FSD2: variants seen among roughly 807,000 people sequenced by gnomAD.
FSD2 encodes fibronectin type III and SPRY domain containing 2, also known as fibronectin type III and SPRY domain-containing protein 2.
FSD2 carries 71 observed loss-of-function variants against 80.4 expected under a neutral mutation model. That is an observed-to-expected ratio of 0.88 (90% CI 0.73 to 1.08). The LOEUF (loss-of-function observed/expected upper bound fraction) is 1.08, where lower values mean the gene tolerates loss of function less well. Ranked by LOEUF, FSD2 falls within the 50% of genes least tolerant of loss-of-function variation. FSD2 has a pLI of 0.00. For synonymous variants in FSD2, 361 were observed against 329.5 expected (o/e 1.10, Z -1.03); for missense variants, 923 against 913.8 (o/e 1.01, Z -0.13).
chr15:82,759,358 G>A lies in FSD2; in HGVS notation c.2240C>T (p.Thr747Ile), dbSNP rs780790409. ...GGACATCAGAATGTTCTAATAGAAA[G>A]TGACATGTTTTGGCATTGAAATGCC... The part of the protein sequence containing the change: ...HNGISMPKHV[T>I]FY Residue 747 changes from threonine (T) to isoleucine (I), a missense_variant, in exon 13 of 13, where the codon ACT (threonine) becomes ATT (isoleucine). Physicochemically the swap from Thr to Ile is moderately conservative, Grantham distance 89. Coordinates refer to ENST00000334574, the MANE Select transcript of FSD2 (RefSeq NM_001007122.4). The A allele has an allele frequency of 6.2e-7, 1 of 1,613,172 alleles. No homozygotes were observed. Among genetic ancestry groups the A allele is most frequent in the East Asian group, 2.2e-5 (1 of 44,880 alleles).
chr15:82,760,291 GCA>G (rs1480869985), intron 12 of FSD2, among the ~76,000 whole-genome samples: 10 of 152,176 alleles, frequency 6.6e-5, no homozygotes, highest in Non-Finnish European at 2.9e-5. Context: ...GCTCTTCTAT[GCA>G]CAGTTACTCC....
Position 82,768,881 on chromosome 15 carries a change from C to A in FSD2, c.1552G>T (p.Glu518Ter). The A allele has an allele frequency of 6.5e-7, 1 of 1,536,044 alleles. No homozygotes were observed. Among genetic ancestry groups the A allele is most frequent in the Non-Finnish European group, 8.7e-7 (1 of 1,143,768 alleles). ...CCAGCAAATGCCCTCATGACTCACT[C>A]AGTTACACCCGAGGCTTCTGGACTT... The part of the protein sequence containing the change: ...AESPEASGVT[E>*]SVVGIPTCES... The change falls in exon 9 of 13, where the codon GAG becomes TAG. Residue 518 changes from glutamate (E) to a stop codon, truncating the protein, a stop_gained and splice_region_variant. Transcript: ENST00000334574. LOFTEE classifies it high-confidence loss of function.
chr15:82,782,025 CT>C (rs536512309), intron 4 of FSD2, among the ~76,000 whole-genome samples: 91 of 147,748 alleles, frequency 6.2e-4, no homozygotes, highest in African/African-American at 2.1e-3. Context: ...GATCGTGCCA[CT>C]GCACTCCAGC....
In FSD2 at chr15:82,759,520, A is replaced by G; in HGVS notation, c.2078T>C (p.Leu693Ser). ...TGACAACTTTGAATGTTCATAGTCT[A>G]ATAGAATGCCAATCTTCTTTGGTGG... ...TVPPKKIGIL[L>S]DYEHSKLSFF... The change falls in exon 13 of 13, where the codon TTA becomes TCA. Residue 693 changes from leucine to serine, a missense_variant. Transcript: ENST00000334574. The G allele has an allele frequency of 6.2e-7, 1 of 1,610,936 alleles. No homozygotes were observed. The highest frequency in any genetic ancestry group is 8.5e-7 in the Non-Finnish European group (1 of 1,178,226).
intron 9 of FSD2, 148 bp downstream of exon 9, chr15:82,768,732 A>G (rs2049484556): frequency 3.4e-6 from 2 of 595,656 alleles, no homozygotes; most frequent in Non-Finnish European, 5.0e-6. Context: ...CATTCCAGCT[A>G]CTTCTCATGA....
At chr15:82,776,129 T>C (rs2049708349) in intron 6 of FSD2, among the ~76,000 whole-genome samples, 1 of 151,962 alleles carries the variant, frequency 6.6e-6, no homozygotes, top group African/African-American at 2.4e-5. Flanking sequence ...TACAAAAACA[T>C]TGAACAAATT....
intron 6 of FSD2, among the ~76,000 whole-genome samples, chr15:82,778,169 C>G (rs1176541042): frequency 6.1e-5 from 6 of 97,722 alleles, no homozygotes; most frequent in Non-Finnish European, 2.0e-5. Flanking sequence ...ATAACTATTA[C>G]ATGATCTAGT....
chr15:82,788,894 G>T (rs184535551), intron 1 of FSD2, among the ~76,000 whole-genome samples: 1 of 151,612 alleles, frequency 6.6e-6, no homozygotes, highest in East Asian at 1.9e-4. Flanking sequence ...CATGCCTGTA[G>T]TCCCAGCTAC....
intron 1 of FSD2, among the ~76,000 whole-genome samples, chr15:82,798,349 TAGAA>T (rs955727191): frequency 5.9e-5 from 9 of 151,938 alleles, no homozygotes; most frequent in African/African-American, 2.2e-4. Context: ...TGTCAGAAGA[TAGAA>T]AGGAAGAAAG....
At chr15:82,759,908 C>G (rs1280229880) in intron 12 of FSD2, among the ~76,000 whole-genome samples, 1 of 152,036 alleles carries the variant, frequency 6.6e-6, no homozygotes, top group East Asian at 1.9e-4. Flanking sequence ...ATTCTCCCAC[C>G]TTAGCCTCCT....
chr15:82,764,385 A>C (rs2049359692), intron 11 of FSD2, among the ~76,000 whole-genome samples: 1 of 151,902 alleles, frequency 6.6e-6, no homozygotes. Context: ...AACCCCAGAA[A>C]ATTCTGTAAC....
At chr15:82,803,335 A>G (rs1232620924) in intron 1 of FSD2, among the ~76,000 whole-genome samples, 1 of 152,162 alleles carries the variant, frequency 6.6e-6, no homozygotes, top group Non-Finnish European at 1.5e-5. Flanking sequence ...TTGTTCAGGC[A>G]GAAGTGGTAC....
At chr15:82,797,592 T>C (rs4779065) in intron 1 of FSD2, among the ~76,000 whole-genome samples, 123,801 of 152,178 alleles carry the variant, frequency 0.81, 50,587 homozygotes, top group African/African-American at 0.89. Context: ...GGGCAGATCA[T>C]GAGGTCAGGA....
chr15:82,787,195 C>G lies in FSD2; in HGVS notation c.196G>C (p.Asp66His), dbSNP rs771361754. Residue 66 changes from aspartate (D) to histidine (H), a missense_variant, in exon 2 of 13, where the codon GAC becomes CAC. Physicochemically the swap from Asp to His is moderately conservative, Grantham distance 81. Coordinates refer to ENST00000334574, the MANE Select transcript of FSD2 (RefSeq NM_001007122.4). ...RGAGDGKAQR[D>H]LQEEVDELVH... ...AGTTCATCCACTTCCTCTTGAAGGTCTCTTTGAGCCTTACCATCCCCTGCT... is the reference window on the plus strand; with the variant it reads ...AGTTCATCCACTTCCTCTTGAAGGTGTCTTTGAGCCTTACCATCCCCTGCT... 5.6e-6 allele frequency: 9 copies of G among 1,614,002 alleles called. No homozygotes were observed. In the East Asian group the frequency reaches 1.8e-4, roughly 32 times the overall value.
chr15:82,775,481 C>G (rs1356439615), intron 6 of FSD2, among the ~76,000 whole-genome samples: 1 of 151,922 alleles, frequency 6.6e-6, no homozygotes, highest in Admixed American at 6.6e-5. Flanking sequence ...CTATCTTTCT[C>G]TTGCCTAATT....
Position 82,783,004 on chromosome 15 carries a change from G to C in FSD2, c.757C>G (p.Gln253Glu). 4 of 1,611,646 alleles carry C rather than the reference G, an allele frequency of 2.5e-6. No individual in the cohort carries two copies. Among genetic ancestry groups the C allele is most frequent in the East Asian group, 2.2e-5 (1 of 44,862 alleles). ...TVEENFGKQEQNFESHYNEIL... is the reference protein window; with the variant it reads ...TVEENFGKQEENFESHYNEIL... The stretch of plus-strand genomic sequence containing the variant: ...TCGTTGTAATGTGACTCAAAGTTTT[G>C]TTCTTGTTTTCCAAAATTCTCCTGC... The change falls in exon 4 of 13, where the codon CAA becomes GAA. Residue 253 changes from glutamine to glutamate, a missense_variant. Coordinates refer to ENST00000334574, the MANE Select transcript of FSD2 (RefSeq NM_001007122.4).
In FSD2 at chr15:82,756,078, C is replaced by A; in HGVS notation, c.*3270G>T. 1 of 471,314 alleles carries A rather than the reference C, an allele frequency of 2.1e-6. No homozygotes were observed. Among genetic ancestry groups the A allele is most frequent in the South Asian group, 1.6e-5 (1 of 63,546 alleles). The allele number at this position is 471,314 out of a possible 1,614,324, so 29.2% of individuals were successfully genotyped here. A position where few individuals can be genotyped will look rare whatever the true frequency, so the allele number is the denominator to read the frequency against. The stretch of plus-strand genomic sequence containing the variant: ...TACTTATCTACCAACAGCAATTACA[C>A]GCTTTCCATTGTCTTCCTATAGAAA... On this transcript the variant is annotated 3_prime_UTR_variant, in exon 13 of 13. Coordinates refer to ENST00000334574, the MANE Select transcript of FSD2 (RefSeq NM_001007122.4).
chr15:82,792,993 A>G (rs1391147636), intron 1 of FSD2, among the ~76,000 whole-genome samples: 1 of 152,212 alleles, frequency 6.6e-6, no homozygotes, highest in Non-Finnish European at 1.5e-5. Flanking sequence ...TTTTTGGAAC[A>G]GTATGTGAAG....
Position 82,772,221 on chromosome 15 carries a change from A to G in FSD2, c.1119T>C (p.Ser373=), listed in dbSNP as rs1180382213. 1 of 1,610,232 alleles carries G rather than the reference A, an allele frequency of 6.2e-7. No homozygotes were observed. Among genetic ancestry groups the G allele is most frequent in the East Asian group, 2.2e-5 (1 of 44,816 alleles). The change falls in exon 7 of 13, where the codon TCT becomes TCC. Residue 373 remains serine, a synonymous_variant. Coordinates refer to ENST00000334574, the MANE Select transcript of FSD2 (RefSeq NM_001007122.4). ...GGACCTGTGGATTTATGACTGGAGC[A>G]GAAGGAGCTAGGAAAAGAAAAGAAA... ...MGSINTIPAP[S]APVINPQVPN...
Sources: gnomAD v4.1 joint callset for allele counts (sites outside exome capture counted in the v4.1 genomes callset) on GRCh38, gnomAD v4.1.1 for gene constraint, MANE v1.5 for transcripts, NCBI Gene and HGNC (gene_info 2026-07-23, HGNC 2026-07-21) for gene names.